Variants in SPAG16 observed in about 807,000 individuals in gnomAD.
SPAG16 encodes sperm-associated antigen 16 protein.
A neutral mutation model predicts 80.4 loss-of-function variants in SPAG16; 86 were observed. The observed-to-expected ratio is 1.07, with a 90% CI of 0.90 to 1.28. The LOEUF is 1.28. Among genes scored for constraint, SPAG16 ranks in the 50% most tolerant of loss-of-function variants. SPAG16 has a pLI of 0.00. For missense variants in SPAG16, 870 were observed against 765.3 expected, an observed-to-expected ratio of 1.14 and a Z score of -1.61; for synonymous variants, 294 against 265.9, an observed-to-expected ratio of 1.11 and a Z score of -1.03.
At chr2:213,537,877 G>C (rs1037123232) in intron 10 of SPAG16, among the ~76,000 whole-genome samples, 2 of 152,110 alleles carry the variant, frequency 1.3e-5, no homozygotes, top group Non-Finnish European at 2.9e-5. Flanking sequence ...TAACATACTT[G>C]GCAGCAGACC....
At chr2:213,642,758 T>G in intron 10 of SPAG16, among the ~76,000 whole-genome samples, 1 of 73,718 alleles carries the variant, frequency 1.4e-5, no homozygotes, top group Middle Eastern at 8.2e-3. Flanking sequence ...GAGGCGGAGC[T>G]TGCAGTGAGC....
intron 10 of SPAG16, among the ~76,000 whole-genome samples, chr2:213,629,998 T>C (rs2125078335): frequency 6.6e-6 from 1 of 152,356 alleles, no homozygotes; most frequent in South Asian, 2.1e-4. Flanking sequence ...CACTATTTTC[T>C]CATTTGCTTC....
At chr2:213,750,539 A>G (rs1427807911) in intron 10 of SPAG16, among the ~76,000 whole-genome samples, 3 of 152,180 alleles carry the variant, frequency 2.0e-5, no homozygotes, top group Non-Finnish European at 4.4e-5. Flanking sequence ...CTTTGATGGT[A>G]GGTTCTCTTG....
rs920608902 is a variant in SPAG16, at chr2:213,297,368, G to C, written c.279+11G>C. Reference sequence around the variant, plus strand: ...GATACTGAAATTTTGGTGAGAATTTGAACACTAGTGTAGTCTATAGTTTAG... The same window carrying C: ...GATACTGAAATTTTGGTGAGAATTTCAACACTAGTGTAGTCTATAGTTTAG... On this transcript the variant is annotated intron_variant, in intron 3 of 15. Coordinates refer to ENST00000331683, the MANE Select transcript of SPAG16 (RefSeq NM_024532.5). The C allele has an allele frequency of 6.5e-7, 1 of 1,543,486 alleles. No homozygotes were observed. Among genetic ancestry groups the C allele is most frequent in the African/African-American group, 1.4e-5 (1 of 73,106 alleles).
intron 10 of SPAG16, among the ~76,000 whole-genome samples, chr2:213,650,722 A>T (rs1027741926): frequency 6.6e-6 from 1 of 152,186 alleles, no homozygotes; most frequent in Non-Finnish European, 1.5e-5. Context: ...CAACTACCTC[A>T]AGTGAGACTA....
At chr2:214,377,741 C>G (rs1178337799) in intron 15 of SPAG16, among the ~76,000 whole-genome samples, 2 of 152,120 alleles carry the variant, frequency 1.3e-5, no homozygotes, top group Non-Finnish European at 1.5e-5. Flanking sequence ...GTCAACCATA[C>G]TTGATATTAG....
chr2:213,665,305 A>G (rs1398303732), intron 10 of SPAG16, among the ~76,000 whole-genome samples: 1 of 152,164 alleles, frequency 6.6e-6, no homozygotes, highest in Non-Finnish European at 1.5e-5. Flanking sequence ...TAGCTTACCC[A>G]GGTACTTAAT....
At chr2:213,507,565 A>G (rs559629655) in intron 10 of SPAG16, among the ~76,000 whole-genome samples, 1 of 152,326 alleles carries the variant, frequency 6.6e-6, no homozygotes, top group Non-Finnish European at 1.5e-5. Context: ...TTGCCTATTT[A>G]GAATAGGCAG....
rs66638113 is a variant in SPAG16 at position 213,701,242 on chromosome 2, AAAATAAAT to A, written c.1071-161224_1071-161217del. Among the ~76,000 whole-genome samples, 8 of 151,416 alleles carry A rather than the reference AAAATAAAT, an allele frequency of 5.3e-5. No individual in the cohort carries two copies. The East Asian group carries it at 9.7e-4, about 18-fold the overall frequency. On this transcript the variant is annotated intron_variant, in intron 10 of 15. Transcript: ENST00000331683. ...GCGACAGAGAGAGATTCCATCTAAA[AAAATAAAT>A]AAATAAATAAATAAATAAGATGATC...
intron 10 of SPAG16, among the ~76,000 whole-genome samples, chr2:213,785,672 C>T (rs1403996770): frequency 6.6e-6 from 1 of 152,106 alleles, no homozygotes; most frequent in Non-Finnish European, 1.5e-5. Flanking sequence ...TTTGAAAGTA[C>T]ATAATTAATA....
intron 11 of SPAG16, among the ~76,000 whole-genome samples, chr2:213,865,539 G>A (rs1161537374): frequency 6.6e-6 from 1 of 150,780 alleles, no homozygotes; most frequent in Non-Finnish European, 1.5e-5. Flanking sequence ...AGTGGATTAT[G>A]AATTCAAATT....
At chr2:214,212,328 C>T (rs929693431) in intron 15 of SPAG16, among the ~76,000 whole-genome samples, 2 of 152,100 alleles carry the variant, frequency 1.3e-5, no homozygotes, top group Non-Finnish European at 1.5e-5. Flanking sequence ...TCAAGTTTTA[C>T]TCAAGTATCA....
chr2:214,396,280 TTTG>T (rs1330926685), intron 15 of SPAG16, among the ~76,000 whole-genome samples: 1 of 152,080 alleles, frequency 6.6e-6, no homozygotes, highest in Non-Finnish European at 1.5e-5. Flanking sequence ...AGTCCTCCAG[TTTG>T]TTTTTTTAAT....
intron 10 of SPAG16, among the ~76,000 whole-genome samples, chr2:213,789,273 A>G (rs1156880217): frequency 6.6e-6 from 1 of 151,936 alleles, no homozygotes; most frequent in East Asian, 1.9e-4. Flanking sequence ...TAAGATGAAC[A>G]CCATTTTTGA....
intron 15 of SPAG16, among the ~76,000 whole-genome samples, chr2:214,198,346 A>G (rs1357453253): frequency 6.6e-6 from 1 of 152,208 alleles, no homozygotes; most frequent in Non-Finnish European, 1.5e-5. Context: ...GAGATTATAC[A>G]AAATTTGGTT....
intron 14 of SPAG16, among the ~76,000 whole-genome samples, chr2:214,115,539 C>G (rs2053889025): frequency 6.6e-6 from 1 of 152,134 alleles, no homozygotes; most frequent in East Asian, 1.9e-4. Context: ...AGCTAGCAAT[C>G]TAGATTCACA....
chr2:214,164,820 T>C (rs2056582164), intron 15 of SPAG16, among the ~76,000 whole-genome samples: 1 of 152,140 alleles, frequency 6.6e-6, no homozygotes. Context: ...TCTAAAGACA[T>C]GGTGGGACTT....
intron 10 of SPAG16, among the ~76,000 whole-genome samples, chr2:213,511,608 T>G (rs1333814968): frequency 6.6e-6 from 1 of 152,136 alleles, no homozygotes; most frequent in African/African-American, 2.4e-5. Flanking sequence ...AGGGCCTTTG[T>G]GCTTTGTATG....
At chr2:214,352,781 A>G (rs1046968031) in intron 15 of SPAG16, among the ~76,000 whole-genome samples, 4 of 152,002 alleles carry the variant, frequency 2.6e-5, no homozygotes, top group Admixed American at 2.6e-4. Context: ...ACATAAACTA[A>G]ACTATTTACA....
Sources: gnomAD v4.1 joint callset for allele counts (sites outside exome capture counted in the v4.1 genomes callset) on GRCh38, gnomAD v4.1.1 for gene constraint, MANE v1.5 for transcripts, NCBI Gene and HGNC (gene_info 2026-07-23, HGNC 2026-07-21) for gene names.